EXOC4: variants seen among roughly 807,000 people sequenced by gnomAD.
The protein encoded by EXOC4 is exocyst complex component 4, also known as SEC8-like 1.
EXOC4 carries 71 observed loss-of-function variants against 107.2 expected under a neutral mutation model. The observed-to-expected ratio is 0.66, with a 90% CI of 0.55 to 0.81. EXOC4 has a LOEUF of 0.81. EXOC4 is among the 30% of genes least tolerant of loss of function. The pLI is 0.00. For synonymous variants in EXOC4, 456 were observed against 441.2 expected (o/e 1.03, Z -0.42); for missense variants, 1,108 against 1,189.6 (o/e 0.93, Z 1.01).
intron 14 of EXOC4, among the ~76,000 whole-genome samples, chr7:133,939,640 G>A (rs2116735655): frequency 6.6e-6 from 1 of 152,288 alleles, no homozygotes. Context: ...GGGACTACAA[G>A]CATGCACCAC....
chr7:133,393,545 AT>A (rs530705078), intron 7 of EXOC4, among the ~76,000 whole-genome samples: 34 of 152,304 alleles, frequency 2.2e-4, no homozygotes, highest in African/African-American at 7.9e-4. Flanking sequence ...CCAGTCCCCA[AT>A]GTGATGGTAT....
intron 10 of EXOC4, among the ~76,000 whole-genome samples, chr7:133,755,324 T>A (rs866516947): frequency 3.8e-5 from 4 of 104,414 alleles, no homozygotes; most frequent in East Asian, 2.6e-4. Flanking sequence ...TATATATATA[T>A]AATATATATA....
At chr7:133,348,669 G>A (rs1290426606) in intron 5 of EXOC4, among the ~76,000 whole-genome samples, 4 of 152,146 alleles carry the variant, frequency 2.6e-5, no homozygotes, top group Non-Finnish European at 5.9e-5. Flanking sequence ...GCTGAATTTA[G>A]TTGGCTTGTT....
rs1327197875 is a variant in EXOC4, at chr7:133,857,165, TA to T, written c.1735-38433del. ...ACATACACGTATATATATATATATATATATATATATATATATATATATATAT... is the reference window on the plus strand; with the variant it reads ...ACATACACGTATATATATATATATATTATATATATATATATATATATATAT... On this transcript the variant is annotated intron_variant, in intron 11 of 17. Transcript: ENST00000253861. 1.3e-3 allele frequency among the ~76,000 whole-genome samples: 16 copies of T among 12,242 alleles called. 2 individuals are homozygous for T. The highest frequency in any genetic ancestry group is 3.7e-3 in the Admixed American group (4 of 1,092). The allele number at this position is 12,242 out of a possible 152,430, so 8.0% of individuals were successfully genotyped here.
intron 10 of EXOC4, among the ~76,000 whole-genome samples, chr7:133,635,282 C>G (rs1048164341): frequency 2.0e-4 from 31 of 152,202 alleles, no homozygotes; most frequent in South Asian, 8.3e-4. Context: ...ATAATGTAGT[C>G]TTTTCAGGAA....
At chr7:133,901,480 G>GT (rs1157441253) in intron 12 of EXOC4, among the ~76,000 whole-genome samples, 1 of 152,128 alleles carries the variant, frequency 6.6e-6, no homozygotes, top group Non-Finnish European at 1.5e-5. Flanking sequence ...TACAGCTTAA[G>GT]TTTAAATGCC....
At chr7:134,014,352 G>A (rs1471567801) in intron 17 of EXOC4, among the ~76,000 whole-genome samples, 1 of 152,128 alleles carries the variant, frequency 6.6e-6, no homozygotes, top group African/African-American at 2.4e-5. Flanking sequence ...GCAGTCAGCC[G>A]AGATCGTGCC....
chr7:134,064,381 C>T lies in EXOC4; in HGVS notation c.2778C>T (p.Ile926=), dbSNP rs116591309. 8.7e-4 allele frequency: 1,387 copies of T among 1,593,510 alleles called. 9 individuals are homozygous for T. In the African/African-American group the frequency reaches 0.016, roughly 19 times the overall value. Residue 926 remains isoleucine (I), a synonymous_variant, in exon 18 of 18, where the codon ATC becomes ATT. Transcript: ENST00000253861. The part of the protein sequence containing the change: ...QGVKYTELEY[I]HALTLLHRSQ... The stretch of plus-strand genomic sequence containing the variant: ...TGAAGTACACGGAGCTGGAGTACAT[C>T]CACGCTCTGACCCTGCTGCACCGCA...
Position 133,657,692 on chromosome 7 carries a change from T to A in EXOC4, c.1514+27551T>A, listed in dbSNP as rs1458338444. Reference sequence around the variant, plus strand: ...TTGGAACTGGGAGATACAGGTTCTCTGTGCATCTTGTAATGGTATGCATGG... The same window carrying A: ...TTGGAACTGGGAGATACAGGTTCTCAGTGCATCTTGTAATGGTATGCATGG... On this transcript the variant is annotated intron_variant, in intron 10 of 17. Transcript: ENST00000253861. 2.0e-5 allele frequency among the ~76,000 whole-genome samples: 3 copies of A among 152,168 alleles called. No individual in the cohort carries two copies. In the East Asian group the frequency reaches 5.8e-4, roughly 29 times the overall value.
chr7:133,998,021 G>A (rs969404101), intron 15 of EXOC4, among the ~76,000 whole-genome samples: 5 of 152,150 alleles, frequency 3.3e-5, no homozygotes, highest in Admixed American at 6.6e-5. Context: ...CAAAGTAAGT[G>A]CTCAAAATAT....
intron 17 of EXOC4, among the ~76,000 whole-genome samples, chr7:134,038,079 T>G (rs981279888): frequency 1.3e-4 from 20 of 152,206 alleles, no homozygotes; most frequent in Non-Finnish European, 2.4e-4. Flanking sequence ...TATGGACCAC[T>G]CAGTAGAACA....
chr7:133,931,108 G>GA (rs978513431), intron 13 of EXOC4, among the ~76,000 whole-genome samples: 2 of 151,992 alleles, frequency 1.3e-5, no homozygotes, highest in Admixed American at 1.3e-4. Flanking sequence ...GAGGTTTCCA[G>GA]AAAAACATTG....
At chr7:133,930,463 A>G (rs183022534) in intron 13 of EXOC4, 2 of 152,332 alleles carry the variant, frequency 1.3e-5, no homozygotes, top group East Asian at 3.9e-4. Flanking sequence ...TGGTGCTGTC[A>G]GCATCAAAGT....
At chr7:133,471,412 CAAA>C (rs59230142) in intron 7 of EXOC4, among the ~76,000 whole-genome samples, 3 of 125,322 alleles carry the variant, frequency 2.4e-5, no homozygotes, top group African/African-American at 3.0e-5. Context: ...GACTTCATCT[CAAA>C]AAAAAAAAAA....
intron 5 of EXOC4, among the ~76,000 whole-genome samples, chr7:133,350,942 T>C (rs188818802): frequency 6.6e-6 from 1 of 152,142 alleles, no homozygotes; most frequent in Admixed American, 6.5e-5. Flanking sequence ...ATATAAAGCT[T>C]TCATTACATA....
chr7:133,627,198 G>T (rs1802476592), intron 9 of EXOC4, among the ~76,000 whole-genome samples: 1 of 152,178 alleles, frequency 6.6e-6, no homozygotes, highest in Non-Finnish European at 1.5e-5. Context: ...TGAGACAGGG[G>T]CATTTGACAG....
At chr7:133,887,741 A>G (rs896332343) in intron 11 of EXOC4, among the ~76,000 whole-genome samples, 1 of 152,138 alleles carries the variant, frequency 6.6e-6, no homozygotes, top group Non-Finnish European at 1.5e-5. Context: ...CTTCCCTGCA[A>G]TGTTTTAGAT....
At chr7:133,374,341 A>G (rs930600319) in intron 6 of EXOC4, among the ~76,000 whole-genome samples, 1 of 151,990 alleles carries the variant, frequency 6.6e-6, no homozygotes, top group Non-Finnish European at 1.5e-5. Flanking sequence ...CAGGCTGTAC[A>G]TTTGGATGGT....
intron 12 of EXOC4, among the ~76,000 whole-genome samples, chr7:133,899,259 C>T (rs1056035247): frequency 6.6e-6 from 1 of 152,090 alleles, no homozygotes; most frequent in African/African-American, 2.4e-5. Flanking sequence ...ATGTAAATCC[C>T]ACTGATAGCC....
Sources: allele counts gnomAD v4.1 joint callset (sites outside exome capture counted in the v4.1 genomes callset), GRCh38; gene constraint gnomAD v4.1.1; transcripts MANE v1.5; gene names NCBI Gene and HGNC (gene_info 2026-07-23, HGNC 2026-07-21).